Variants in SERHL2 observed in about 807,000 individuals in gnomAD.
SERHL2 encodes serine hydrolase like 2.
SERHL2 carries 29 observed loss-of-function variants against 25.5 expected under a neutral mutation model. That is an observed-to-expected ratio of 1.14 (90% CI 0.85 to 1.55). The LOEUF (loss-of-function observed/expected upper bound fraction) is 1.55, where lower values mean the gene tolerates loss of function less well. SERHL2 is among the 40% of genes most tolerant of loss of function. The probability of loss-of-function intolerance (pLI) is 0.00; values close to 1 mark genes in which losing one functional copy is unlikely to be tolerated. For synonymous variants in SERHL2, 95 were observed against 103.5 expected (o/e 0.92, Z 0.50); for missense variants, 240 against 252.3 (o/e 0.95, Z 0.33).
intron 8 of SERHL2, 75 bp downstream of exon 8, chr22:42,560,340 G>A (rs1922533480): frequency 9.0e-7 from 1 of 1,108,232 alleles, no homozygotes; most frequent in Non-Finnish European, 1.4e-6. Flanking sequence ...ACTTGCCTTA[G>A]ACCAGGCAGG....
At chr22:42,573,508 C>T (rs1728784546) in intron 11 of SERHL2, 1 of 170,326 alleles carries the variant, frequency 5.9e-6, no homozygotes, top group Non-Finnish European at 1.3e-5. Flanking sequence ...CTCCCGCCTG[C>T]CTTGGCCTCC....
In SERHL2 at chr22:42,560,186, G is replaced by A; in HGVS notation, c.534G>A (p.Arg178=). Reference sequence around the variant, plus strand: ...CCAGCATCCTTCTGTCTCCCCCCAGGTTACTGAAGAGCAATAGCCACTTGA... The same window carrying A: ...CCAGCATCCTTCTGTCTCCCCCCAGATTACTGAAGAGCAATAGCCACTTGA... ...HVFSLKQLLQ[R]LLKSNSHLSE... The change falls in exon 8 of 12, where the codon AGG becomes AGA. Residue 178 remains arginine (R), a splice_region_variant and synonymous_variant. Coordinates refer to ENST00000327678, the MANE Select transcript of SERHL2 (RefSeq NM_014509.5). 9 of 1,611,130 alleles carry A rather than the reference G, an allele frequency of 5.6e-6. No homozygotes were observed. Among genetic ancestry groups the A allele is most frequent in the Non-Finnish European group, 7.6e-6 (9 of 1,177,630 alleles).
intron 8 of SERHL2, among the ~76,000 whole-genome samples, chr22:42,560,767 G>A (rs761559598): frequency 3.3e-5 from 5 of 151,938 alleles, no homozygotes; most frequent in South Asian, 2.1e-4. Flanking sequence ...ACAAGGTCTC[G>A]CTCTGTCACC....
intron 11 of SERHL2, 142 bp from the exon 12 acceptor site, chr22:42,573,794 G>A (rs1452420132): frequency 2.4e-5 from 19 of 802,994 alleles, no homozygotes; most frequent in Middle Eastern, 3.8e-4. Context: ...CCAAGGAGCC[G>A]AGTGTGGGGG....
chr22:42,562,237 C>T (rs545363981), intron 8 of SERHL2, among the ~76,000 whole-genome samples: 100 of 151,964 alleles, frequency 6.6e-4, no homozygotes, highest in African/African-American at 2.3e-3. Context: ...AAATGCTTCC[C>T]TCCAACCCCA....
intron 9 of SERHL2, among the ~76,000 whole-genome samples, chr22:42,567,497 T>A (rs1249711556): frequency 6.6e-6 from 1 of 151,394 alleles, no homozygotes; most frequent in Non-Finnish European, 1.5e-5. Flanking sequence ...ACCCCGTCTC[T>A]ACTAAAAATG....
At chr22:42,560,012 A>C (rs868617571) in intron 7 of SERHL2, among the ~76,000 whole-genome samples, 174 bp from the exon 8 acceptor site, 3 of 151,794 alleles carry the variant, frequency 2.0e-5, no homozygotes, top group Non-Finnish European at 4.4e-5. Context: ...AGGTTTTACC[A>C]TGTTGGCCAG....
rs1048756178 is a variant in SERHL2, at chr22:42,573,754, C to T, written c.826-182C>T. ...GCCTCCAAGTCCCTAGGGTTAGACA[C>T]CTCCTGGGGTGCTATGGACTGTCGG... On this transcript the variant is annotated intron_variant, in intron 11 of 11. Coordinates refer to ENST00000327678, the MANE Select transcript of SERHL2 (RefSeq NM_014509.5). 623 of 698,878 alleles carry T rather than the reference C, an allele frequency of 8.9e-4. 4 individuals are homozygous for T. Among genetic ancestry groups the T allele is most frequent in the Middle Eastern group, 3.3e-3 (8 of 2,392 alleles). 43.3% of individuals were successfully genotyped at this position (698,878 alleles called of 1,614,324 possible).
At chr22:42,567,817 G>A (rs1923619492) in intron 9 of SERHL2, among the ~76,000 whole-genome samples, 1 of 151,478 alleles carries the variant, frequency 6.6e-6, no homozygotes, top group Non-Finnish European at 1.5e-5. Context: ...GGCAACCTTT[G>A]CCTCCCAGGT....
At chr22:42,572,588 C>T (rs1924384510) in intron 11 of SERHL2, 59 bp downstream of exon 11, 2 of 1,589,908 alleles carry the variant, frequency 1.3e-6, no homozygotes, top group South Asian at 2.3e-5. Flanking sequence ...GGTCCCACCT[C>T]ACCCATCTCT....
chr22:42,570,660 C>T (rs1924041018), intron 9 of SERHL2, among the ~76,000 whole-genome samples: 1 of 152,158 alleles, frequency 6.6e-6, no homozygotes, highest in Non-Finnish European at 1.5e-5. Flanking sequence ...TCACGGAGTG[C>T]CCATCCTGCA....
chr22:42,566,453 G>T, intron 9 of SERHL2, 115 bp downstream of exon 9: 1 of 1,006,646 alleles, frequency 9.9e-7, no homozygotes, highest in South Asian at 1.3e-5. Context: ...AGCTACTCAG[G>T]AGGCTGAGGC....
intron 8 of SERHL2, among the ~76,000 whole-genome samples, chr22:42,562,355 C>G (rs1455570717): frequency 6.6e-6 from 1 of 151,902 alleles, no homozygotes; most frequent in Non-Finnish European, 1.5e-5. Context: ...AACCAAGACA[C>G]ATTCCCCCAC....
rs141637631 is a variant in SERHL2 at position 42,567,158 on chromosome 22, C to G, written c.648+820C>G. 9.4e-4 allele frequency among the ~76,000 whole-genome samples: 143 copies of G among 152,202 alleles called. 1 individual carries two copies. The highest frequency in any genetic ancestry group is 3.2e-3 in the African/African-American group (135 of 41,568). The stretch of plus-strand genomic sequence containing the variant: ...TAGAACATTGGACACATGTGAGACA[C>G]TGTCATTAGAGGTGGGGACGCTCTA... On this transcript the variant is annotated intron_variant, in intron 9 of 11. Coordinates refer to ENST00000327678, the MANE Select transcript of SERHL2 (RefSeq NM_014509.5).
chr22:42,567,536 C>A lies in SERHL2; in HGVS notation c.648+1198C>A, dbSNP rs1454441603. Among the ~76,000 whole-genome samples the A allele has an allele frequency of 2.6e-5, 4 of 151,194 alleles. No individual in the cohort carries two copies. In the South Asian group the frequency reaches 8.3e-4, roughly 32 times the overall value. On this transcript the variant is annotated intron_variant, in intron 9 of 11. Coordinates refer to ENST00000327678, the MANE Select transcript of SERHL2 (RefSeq NM_014509.5). ...AAAATTAGCCGGGCGCGGTGGCAGG[C>A]GCCTGTAGTCCCAGCTACTCGGGAG...
rs1334578831 is a variant in SERHL2 at position 42,553,991 on chromosome 22, T to A, written c.-30T>A. 9.3e-6 allele frequency: 15 copies of A among 1,612,464 alleles called. No homozygotes were observed. The highest frequency in any genetic ancestry group is 1.2e-5 in the Non-Finnish European group (14 of 1,179,284). On this transcript the variant is annotated 5_prime_UTR_variant, in exon 1 of 12. Coordinates refer to ENST00000327678, the MANE Select transcript of SERHL2 (RefSeq NM_014509.5). ...TGCGACCTAGCCAGGCGTGAGGGAG[T>A]GACAGCAGCGCATTCGCGGGACGAG...
chr22:42,571,229 C>T (rs137046), intron 10 of SERHL2, 26 bp downstream of exon 10: 557,563 of 1,555,768 alleles, frequency 0.36, 120,749 homozygotes, highest in African/African-American at 0.77. Context: ...TCCCCTTCAG[C>T]CACCCGCCAA....
In SERHL2 at chr22:42,574,280, T is replaced by C; in HGVS notation, c.*225T>C. 2 of 560,256 alleles carry C rather than the reference T, an allele frequency of 3.6e-6. No individual in the cohort carries two copies. The highest frequency in any genetic ancestry group is 6.3e-6 in the Non-Finnish European group (2 of 318,424). The allele number at this position is 560,256 out of a possible 1,614,324, so 34.7% of individuals were successfully genotyped here. A position where few individuals can be genotyped will look rare whatever the true frequency, so the allele number is the denominator to read the frequency against. On this transcript the variant is annotated 3_prime_UTR_variant, in exon 12 of 12. Coordinates refer to ENST00000327678, the MANE Select transcript of SERHL2 (RefSeq NM_014509.5). ...TCCAGGGCTGCTTTCTCCTGGCTAATAATAAATATCCAGCCAGCTGGAGGA... is the reference window on the plus strand; with the variant it reads ...TCCAGGGCTGCTTTCTCCTGGCTAACAATAAATATCCAGCCAGCTGGAGGA...
intron 10 of SERHL2, among the ~76,000 whole-genome samples, chr22:42,572,218 C>T (rs116476699): frequency 6.6e-6 from 1 of 152,074 alleles, no homozygotes; most frequent in Non-Finnish European, 1.5e-5. Flanking sequence ...AAGGCTGTGC[C>T]TTCAGCATTC....
Sources: allele counts gnomAD v4.1 joint callset (sites outside exome capture counted in the v4.1 genomes callset), GRCh38; gene constraint gnomAD v4.1.1; transcripts MANE v1.5; gene names NCBI Gene and HGNC (gene_info 2026-07-23, HGNC 2026-07-21).